Variants in GHR observed in about 807,000 individuals in gnomAD.
GHR encodes growth hormone receptor, also known as GH receptor.
Under a neutral mutation model 67.1 loss-of-function variants are expected in GHR, and 35 were observed. The ratio of observed to expected loss-of-function variants is 0.52; its 90% CI spans 0.40 to 0.69. The LOEUF (loss-of-function observed/expected upper bound fraction) is 0.69, where lower values mean the gene tolerates loss of function less well. Among genes scored for constraint, GHR ranks in the 30% least tolerant of loss-of-function variants. The pLI is 0.00. For missense variants in GHR, 792 were observed against 764.6 expected, an observed-to-expected ratio of 1.04 and a Z score of -0.42; for synonymous variants, 272 against 269.1, an observed-to-expected ratio of 1.01 and a Z score of -0.10.
intron 4 of GHR, 104 bp downstream of exon 4, chr5:42,689,123 T>C (rs911403711): frequency 3.3e-5 from 33 of 1,006,244 alleles, no homozygotes; most frequent in Admixed American, 2.5e-4. Flanking sequence ...TTGTGATTTA[T>C]GCAATCAATG....
intron 1 of GHR, chr5:42,468,745 G>T: frequency 9.7e-7 from 1 of 1,030,704 alleles, no homozygotes; most frequent in East Asian, 2.5e-5. Context: ...GCCCCCGCCA[G>T]CTTCTTTTTT....
chr5:42,468,847 T>C (rs1744867114), intron 1 of GHR: 5 of 948,402 alleles, frequency 5.3e-6, no homozygotes, highest in East Asian at 2.7e-5. Context: ...GCTGAAGCCT[T>C]CCTGTAACTG....
intron 1 of GHR, among the ~76,000 whole-genome samples, chr5:42,451,338 T>G (rs1561310706): frequency 1.3e-5 from 2 of 152,178 alleles, no homozygotes; most frequent in Non-Finnish European, 1.5e-5. Flanking sequence ...TATTTATGAT[T>G]GTGATATTTT....
chr5:42,605,419 A>T (rs1014715751), intron 2 of GHR, among the ~76,000 whole-genome samples: 8 of 151,918 alleles, frequency 5.3e-5, no homozygotes, highest in African/African-American at 1.9e-4. Context: ...GGTGCCTCTT[A>T]AACTTTTGTG....
At chr5:42,538,684 AG>A (rs1387009096) in intron 1 of GHR, among the ~76,000 whole-genome samples, 3 of 152,166 alleles carry the variant, frequency 2.0e-5, no homozygotes, top group African/African-American at 7.2e-5. Flanking sequence ...TGAATTTCCC[AG>A]GTGTTCTTTG....
chr5:42,526,605 G>GACTTCAAA (rs1462132487), intron 1 of GHR, among the ~76,000 whole-genome samples: 10 of 152,170 alleles, frequency 6.6e-5, no homozygotes, highest in Non-Finnish European at 1.3e-4. Flanking sequence ...TGGGCTTTAA[G>GACTTCAAA]ACTTCAAAAC....
At chr5:42,654,489 C>T (rs996431705) in intron 3 of GHR, among the ~76,000 whole-genome samples, 4 of 152,088 alleles carry the variant, frequency 2.6e-5, no homozygotes, top group South Asian at 2.1e-4. Flanking sequence ...AGTTGTTTTA[C>T]GTCTCACCAA....
rs568973346 is a variant in GHR at position 42,584,660 on chromosome 5, A to T, written c.70+18716A>T. On this transcript the variant is annotated intron_variant, in intron 2 of 9. Coordinates refer to ENST00000230882, the MANE Select transcript of GHR (RefSeq NM_000163.5). ...ATGGTAAGTGATGTGTTATAAATAT[A>T]TTTTTCCTTAAGTATCATAAACAAT... Among the ~76,000 whole-genome samples, 3 of 152,060 alleles carry T rather than the reference A, an allele frequency of 2.0e-5. No homozygotes were observed. The East Asian group carries it at 5.8e-4, about 29-fold the overall frequency.
At chr5:42,449,186 T>G (rs1288069528) in intron 1 of GHR, among the ~76,000 whole-genome samples, 1 of 152,212 alleles carries the variant, frequency 6.6e-6, no homozygotes, top group Non-Finnish European at 1.5e-5. Context: ...GATGGTATTT[T>G]GATGGGAATT....
At chr5:42,685,101 AGCCCTCAACAG>A in intron 3 of GHR, among the ~76,000 whole-genome samples, 1 of 152,104 alleles carries the variant, frequency 6.6e-6, no homozygotes, top group East Asian at 1.9e-4. Flanking sequence ...CCAGCCCCAC[AGCCCTCAACAG>A]GCCCCAGTGT....
At chr5:42,654,179 T>A (rs1755138178) in intron 3 of GHR, among the ~76,000 whole-genome samples, 1 of 152,202 alleles carries the variant, frequency 6.6e-6, no homozygotes. Context: ...TCCATCGTTG[T>A]CTCTTACTAA....
At chr5:42,479,770 C>A (rs557524564) in intron 1 of GHR, among the ~76,000 whole-genome samples, 62 of 152,080 alleles carry the variant, frequency 4.1e-4, no homozygotes, top group South Asian at 2.5e-3. Context: ...TTTGATTATT[C>A]TCTCTTTTCT....
chr5:42,606,776 A>C (rs1752649302), intron 2 of GHR, among the ~76,000 whole-genome samples: 1 of 152,110 alleles, frequency 6.6e-6, no homozygotes, highest in Admixed American at 6.5e-5. Context: ...GGGAAAGTGC[A>C]ATAAAACCCC....
At chr5:42,707,105 T>C (rs1312413183) in intron 6 of GHR, among the ~76,000 whole-genome samples, 1 of 151,956 alleles carries the variant, frequency 6.6e-6, no homozygotes, top group Admixed American at 6.6e-5. Flanking sequence ...TCACCTCCTT[T>C]GTTAAATGTA....
At chr5:42,691,937 G>T (rs1757441312) in intron 4 of GHR, among the ~76,000 whole-genome samples, 1 of 152,220 alleles carries the variant, frequency 6.6e-6, no homozygotes, top group South Asian at 2.1e-4. Context: ...TGTTCGAGCT[G>T]CTCTGCTCTC....
intron 1 of GHR, among the ~76,000 whole-genome samples, chr5:42,538,049 C>T (rs764596442): frequency 1.3e-5 from 2 of 152,040 alleles, no homozygotes; most frequent in African/African-American, 2.4e-5. Context: ...TATGTGAGTT[C>T]TTATGTGTTA....
Position 42,719,388 on chromosome 5 carries a change from T to C in GHR, c.1881T>C (p.Tyr627=). 2.5e-6 allele frequency: 4 copies of C among 1,613,948 alleles called. No individual in the cohort carries two copies. The highest frequency in any genetic ancestry group is 3.4e-6 in the Non-Finnish European group (4 of 1,179,942). The change falls in exon 10 of 10, where the codon TAT becomes TAC. Residue 627 remains tyrosine (Y), a synonymous_variant. Transcript: ENST00000230882. Reference sequence around the variant, plus strand: ...AAGAGTTTCTCTCATCATGTGGCTATGTGAGCACAGACCAACTGAACAAAA... The same window carrying C: ...AAGAGTTTCTCTCATCATGTGGCTACGTGAGCACAGACCAACTGAACAAAA... ...PDKEFLSSCG[Y]VSTDQLNKIM...
At chr5:42,534,154 ATATATATGTACATATGTATATATGTATG>A (rs1389348350) in intron 1 of GHR, among the ~76,000 whole-genome samples, 30,571 of 139,890 alleles carry the variant, frequency 0.22, 5,706 homozygotes, top group African/African-American at 0.31. Context: ...ATATGTATGT[ATATATATGTACATATGTATATATGTATG>A]TATATATGTA....
intron 1 of GHR, chr5:42,468,629 T>C: frequency 9.3e-7 from 1 of 1,073,966 alleles, no homozygotes; most frequent in Non-Finnish European, 1.4e-6. Context: ...GGGCAGCGGG[T>C]TCTTGCTGTC....
Sources: allele counts gnomAD v4.1 joint callset (sites outside exome capture counted in the v4.1 genomes callset), GRCh38; gene constraint gnomAD v4.1.1; transcripts MANE v1.5; gene names NCBI Gene and HGNC (gene_info 2026-07-23, HGNC 2026-07-21).